PARD3: variants seen among roughly 807,000 people sequenced by gnomAD.
PARD3 encodes the protein par-3 family cell polarity regulator, also known as partitioning defective 3 homolog.
In PARD3, 75 loss-of-function variants were observed where a neutral mutation model predicts 155.4. The observed-to-expected ratio is 0.48, with a 90% CI of 0.40 to 0.58. The LOEUF (loss-of-function observed/expected upper bound fraction) is 0.58. PARD3 is among the 20% of genes least tolerant of loss of function. The pLI is 0.00. For missense variants in PARD3, 1,642 were observed against 1,721.7 expected (o/e 0.95, Z 0.82); for synonymous variants, 576 against 610.5 (o/e 0.94, Z 0.83).
intron 2 of PARD3, among the ~76,000 whole-genome samples, chr10:34,556,673 T>C (rs1489041754): frequency 6.6e-6 from 1 of 152,174 alleles, no homozygotes; most frequent in Non-Finnish European, 1.5e-5. Flanking sequence ...TGAGTCACCA[T>C]GCCCAGCCCA....
chr10:34,565,425 A>T (rs1283849010), intron 2 of PARD3, among the ~76,000 whole-genome samples: 4 of 151,490 alleles, frequency 2.6e-5, no homozygotes, highest in Admixed American at 6.6e-5. Context: ...GAGATACCAC[A>T]ACCAGCTACC....
chr10:34,690,965 C>A (rs1034249431), intron 2 of PARD3, among the ~76,000 whole-genome samples: 41 of 152,156 alleles, frequency 2.7e-4, no homozygotes, highest in Non-Finnish European at 4.0e-4. Flanking sequence ...GTAGTCCCAG[C>A]ACTTTGGGAG....
chr10:34,246,697 G>C (rs183671908), intron 22 of PARD3, among the ~76,000 whole-genome samples: 24 of 150,006 alleles, frequency 1.6e-4, no homozygotes, highest in Admixed American at 5.3e-4. Flanking sequence ...CCAGGCGGCC[G>C]TAAGATGAAC....
Position 34,377,969 on chromosome 10 carries a change from C to T in PARD3, c.1537G>A (p.Glu513Lys), listed in dbSNP as rs745492879. 1.3e-6 allele frequency: 2 copies of T among 1,567,700 alleles called. No individual in the cohort carries two copies. The highest frequency in any genetic ancestry group is 1.2e-5 in the South Asian group (1 of 82,938). Residue 513 changes from glutamate (E) to lysine (K), a missense_variant and splice_region_variant, in exon 10 of 25, where the codon GAG becomes AAG. Glu to Lys is a moderately conservative substitution (Grantham distance 56, BLOSUM62 1). Coordinates refer to ENST00000374788, the MANE Select transcript of PARD3 (RefSeq NM_001184785.2). ...ATCCTGCTGGGGAAGTCACTTACCT[C>T]TATAAGTCTGTCTCCTGCCTTAAGT... Reference protein sequence around the residue: ...GRLKAGDRLIEVNGVDLVGKS... With the variant: ...GRLKAGDRLIKVNGVDLVGKS...
chr10:34,744,440 A>G (rs986318800), intron 1 of PARD3, among the ~76,000 whole-genome samples: 1 of 152,168 alleles, frequency 6.6e-6, no homozygotes, highest in Non-Finnish European at 1.5e-5. Flanking sequence ...TTTTGTCCCC[A>G]AGGGGAGAGA....
At chr10:34,172,508 C>T (rs548590304) in intron 22 of PARD3, among the ~76,000 whole-genome samples, 11 of 152,118 alleles carry the variant, frequency 7.2e-5, no homozygotes, top group African/African-American at 2.2e-4. Flanking sequence ...GTAATGTGCA[C>T]GTGTGTTATT....
intron 22 of PARD3, among the ~76,000 whole-genome samples, chr10:34,140,019 A>C (rs1948100402): frequency 6.6e-6 from 1 of 152,150 alleles, no homozygotes; most frequent in Non-Finnish European, 1.5e-5. Context: ...TGAGTTCTTA[A>C]TTGCTGTAAA....
intron 22 of PARD3, among the ~76,000 whole-genome samples, chr10:34,177,128 T>C (rs922260735): frequency 1.4e-4 from 22 of 152,164 alleles, no homozygotes; most frequent in African/African-American, 5.3e-4. Flanking sequence ...TATAAATGTC[T>C]TGGTCTTACA....
intron 22 of PARD3, among the ~76,000 whole-genome samples, chr10:34,197,021 G>A (rs943055217): frequency 1.2e-4 from 18 of 152,058 alleles, no homozygotes; most frequent in African/African-American, 4.3e-4. Flanking sequence ...AGGCCAGGGA[G>A]GCATTATGCT....
intron 22 of PARD3, among the ~76,000 whole-genome samples, chr10:34,229,661 C>CGTGTGTGTGT (rs57319517): frequency 2.7e-5 from 4 of 145,618 alleles, no homozygotes; most frequent in African/African-American, 9.9e-5. Flanking sequence ...GTTGAGGGTG[C>CGTGTGTGTGT]GTGTGTGTGT....
At chr10:34,530,315 C>T (rs2082758539) in intron 2 of PARD3, among the ~76,000 whole-genome samples, 2 of 152,242 alleles carry the variant, frequency 1.3e-5, no homozygotes, top group South Asian at 4.2e-4. Context: ...TTACAGTACA[C>T]ATATCACAGA....
chr10:34,253,932 G>C (rs576559132), intron 22 of PARD3, among the ~76,000 whole-genome samples: 2 of 152,152 alleles, frequency 1.3e-5, no homozygotes, highest in Non-Finnish European at 2.9e-5. Flanking sequence ...ACTTGGAAGC[G>C]TGGGAGTGGG....
chr10:34,572,138 C>T (rs902971794), intron 2 of PARD3, among the ~76,000 whole-genome samples: 5 of 151,842 alleles, frequency 3.3e-5, no homozygotes, highest in Admixed American at 2.0e-4. Context: ...ATTACTGATG[C>T]TATAAGGAAG....
At chr10:34,702,482 C>G (rs2094296866) in intron 1 of PARD3, among the ~76,000 whole-genome samples, 1 of 152,232 alleles carries the variant, frequency 6.6e-6, no homozygotes, top group Non-Finnish European at 1.5e-5. Context: ...AGCACAGTGA[C>G]TGCCCCTCCC....
intron 3 of PARD3, among the ~76,000 whole-genome samples, chr10:34,510,596 C>T (rs538955286): frequency 2.0e-5 from 3 of 152,120 alleles, no homozygotes; most frequent in East Asian, 1.9e-4. Flanking sequence ...GGTTAAAATT[C>T]GGTGCTATAT....
chr10:34,614,502 T>C (rs946500875), intron 2 of PARD3, among the ~76,000 whole-genome samples: 1 of 152,260 alleles, frequency 6.6e-6, no homozygotes, highest in African/African-American at 2.4e-5. Flanking sequence ...GTTATCTCAT[T>C]GGACCCAGAT....
intron 2 of PARD3, among the ~76,000 whole-genome samples, chr10:34,520,589 A>G (rs888129667): frequency 6.6e-6 from 1 of 152,188 alleles, no homozygotes; most frequent in African/African-American, 2.4e-5. Context: ...CTCGAAAAGA[A>G]TAAGACAGTA....
intron 1 of PARD3, among the ~76,000 whole-genome samples, chr10:34,709,721 C>T (rs1167241576): frequency 6.6e-6 from 1 of 152,114 alleles, no homozygotes; most frequent in Non-Finnish European, 1.5e-5. Flanking sequence ...GCTGCAGAGA[C>T]ACAGCCCAAA....
At chr10:34,604,411 C>A (rs1016269227) in intron 2 of PARD3, among the ~76,000 whole-genome samples, 1 of 151,950 alleles carries the variant, frequency 6.6e-6, no homozygotes, top group Non-Finnish European at 1.5e-5. Context: ...GCCTCCCAGC[C>A]CACATCTTTC....
Sources: allele counts gnomAD v4.1 joint callset (sites outside exome capture counted in the v4.1 genomes callset), GRCh38; gene constraint gnomAD v4.1.1; transcripts MANE v1.5; gene names NCBI Gene and HGNC (gene_info 2026-07-23, HGNC 2026-07-21).